The following LARP1 variants were observed in gnomAD, a reference collection of about 807,000 sequenced individuals.
LARP1 encodes La ribonucleoprotein 1, translational regulator.
In LARP1, 36 loss-of-function variants were observed where a neutral mutation model predicts 122.7. The ratio of observed to expected loss-of-function variants is 0.29; its 90% CI spans 0.22 to 0.39. The LOEUF (loss-of-function observed/expected upper bound fraction) is 0.39, where lower values mean the gene tolerates loss of function less well. Among genes scored for constraint, LARP1 ranks in the 10% least tolerant of loss-of-function variants. LARP1 has a pLI of 1.00. For missense variants in LARP1, 1,040 were observed against 1,403.6 expected, an observed-to-expected ratio of 0.74 and a Z score of 4.14; for synonymous variants, 539 against 528.7, an observed-to-expected ratio of 1.02 and a Z score of -0.27.
chr5:154,804,413 CT>C (rs1390013116), intron 14 of LARP1, 106 bp downstream of exon 14: 6 of 850,788 alleles, frequency 7.1e-6, no homozygotes, highest in African/African-American at 3.4e-5. Flanking sequence ...TAAAGGGACC[CT>C]CATCTAAGAG....
intron 8 of LARP1, among the ~76,000 whole-genome samples, chr5:154,797,372 T>G (rs1757968732): frequency 6.6e-6 from 1 of 151,738 alleles, no homozygotes; most frequent in Non-Finnish European, 1.5e-5. Context: ...TAGCTGGTAT[T>G]ACAGGCATGC....
chr5:154,686,644 C>T lies in LARP1; in HGVS notation c.-180+3607C>T, dbSNP rs182120657. Among the ~76,000 whole-genome samples the T allele has an allele frequency of 5.1e-3, 781 of 152,300 alleles. 3 individuals carry two copies. The highest frequency in any genetic ancestry group is 7.9e-3 in the Non-Finnish European group (540 of 68,028). On this transcript the variant is annotated intron_variant, in intron 1 of 18. Transcript: ENST00000687700. ...AAGGTGTGGGCTTACTCCAGTTTGC[C>T]ACAGTCCTTACCTTTCCCAATTGCA... is the stretch of plus-strand genomic sequence containing the variant.
At chr5:154,703,986 G>A (rs1271437420) in intron 1 of LARP1, among the ~76,000 whole-genome samples, 1 of 152,092 alleles carries the variant, frequency 6.6e-6, no homozygotes, top group Non-Finnish European at 1.5e-5. Flanking sequence ...TATATGCTAG[G>A]TACCATTTCA....
chr5:154,805,773 C>A, intron 14 of LARP1, 108 bp from the exon 15 acceptor site: 1 of 1,193,578 alleles, frequency 8.4e-7, no homozygotes, highest in Non-Finnish European at 1.2e-6. Context: ...GTTTGATACC[C>A]TGTGAGAGGA....
chr5:154,764,435 A>G (rs568458177), intron 1 of LARP1, among the ~76,000 whole-genome samples: 6 of 150,672 alleles, frequency 4.0e-5, no homozygotes, highest in South Asian at 4.2e-4. Context: ...GAGAGACCCC[A>G]TCTCTTTAAA....
At chr5:154,695,219 G>A (rs1261678351) in intron 1 of LARP1, among the ~76,000 whole-genome samples, 1 of 152,030 alleles carries the variant, frequency 6.6e-6, no homozygotes, top group Non-Finnish European at 1.5e-5. Context: ...GGAGGCTGAG[G>A]CAGAATGGCG....
At chr5:154,778,278 G>A (rs1239098879) in intron 1 of LARP1, among the ~76,000 whole-genome samples, 7 of 136,092 alleles carry the variant, frequency 5.1e-5, no homozygotes, top group East Asian at 4.2e-4. Flanking sequence ...AAAAAAAAAA[G>A]TGCAGCTCTG....
intron 1 of LARP1, among the ~76,000 whole-genome samples, chr5:154,691,261 CAAAA>C (rs569760689): frequency 8.6e-6 from 1 of 115,722 alleles, no homozygotes. Flanking sequence ...GACTCCGTCT[CAAAA>C]AAAAAAAAAA....
intron 1 of LARP1, among the ~76,000 whole-genome samples, chr5:154,760,468 A>G (rs942942547): frequency 5.3e-5 from 8 of 152,180 alleles, no homozygotes; most frequent in African/African-American, 1.9e-4. Flanking sequence ...TTGCGTTGTG[A>G]TTAGGAATCC....
At chr5:154,703,093 C>T (rs1170383682) in intron 1 of LARP1, among the ~76,000 whole-genome samples, 1 of 134,990 alleles carries the variant, frequency 7.4e-6, no homozygotes, top group African/African-American at 2.9e-5. Flanking sequence ...TGCACTCTAG[C>T]CGGGGCAACA....
At chr5:154,713,609 GT>G (rs1755335073) in intron 1 of LARP1, among the ~76,000 whole-genome samples, 2 of 152,136 alleles carry the variant, frequency 1.3e-5, no homozygotes, top group African/African-American at 2.4e-5. Context: ...GCATTTGTGA[GT>G]AATTTCCAGG....
chr5:154,736,604 T>C (rs1275332811), intron 1 of LARP1, among the ~76,000 whole-genome samples: 3 of 150,962 alleles, frequency 2.0e-5, no homozygotes, highest in African/African-American at 7.3e-5. Context: ...CTCACTCTGT[T>C]GCCCAAGCTG....
intron 1 of LARP1, among the ~76,000 whole-genome samples, chr5:154,693,782 A>C (rs1024123396): frequency 6.6e-6 from 1 of 151,006 alleles, no homozygotes; most frequent in African/African-American, 2.4e-5. Flanking sequence ...CGTGAACTGG[A>C]GAGGCGGAGC....
chr5:154,750,453 G>A (rs1429680682), upstream of LARP1, among the ~76,000 whole-genome samples: 1 of 151,830 alleles, frequency 6.6e-6, no homozygotes, highest in African/African-American at 2.4e-5. Context: ...GTATTATTTT[G>A]TAGAGATGGT....
intron 1 of LARP1, among the ~76,000 whole-genome samples, chr5:154,732,685 A>G (rs1043876207): frequency 3.3e-5 from 5 of 151,508 alleles, no homozygotes; most frequent in African/African-American, 1.2e-4. Flanking sequence ...TATTCATCCT[A>G]TAGGAAATCT....
intron 10 of LARP1, among the ~76,000 whole-genome samples, chr5:154,800,871 A>G (rs993540050): frequency 6.6e-6 from 1 of 152,150 alleles, no homozygotes; most frequent in African/African-American, 2.4e-5. Context: ...CTGTTCATAC[A>G]CAGAATTCCC....
At chr5:154,766,547 C>G (rs1343156211) in intron 1 of LARP1, among the ~76,000 whole-genome samples, 1 of 152,190 alleles carries the variant, frequency 6.6e-6, no homozygotes, top group African/African-American at 2.4e-5. Context: ...GGCACAGTTG[C>G]TGATGAACTG....
intron 1 of LARP1, among the ~76,000 whole-genome samples, chr5:154,749,264 T>G (rs1753358363): frequency 6.6e-6 from 1 of 151,528 alleles, no homozygotes; most frequent in Non-Finnish European, 1.5e-5. Flanking sequence ...CCAGGGAGGG[T>G]AGTGGGGATG....
At chr5:154,724,898 C>T (rs1416690083) in intron 1 of LARP1, among the ~76,000 whole-genome samples, 1 of 152,100 alleles carries the variant, frequency 6.6e-6, no homozygotes, top group Non-Finnish European at 1.5e-5. Flanking sequence ...AACTCCTGAG[C>T]TCAAGTGATC....
Sources: gnomAD v4.1 joint callset for allele counts (sites outside exome capture counted in the v4.1 genomes callset) on GRCh38, gnomAD v4.1.1 for gene constraint, MANE v1.5 for transcripts, NCBI Gene and HGNC (gene_info 2026-07-23, HGNC 2026-07-21) for gene names.